Variants in TRPS1 observed in about 807,000 individuals in gnomAD.
TRPS1 encodes the protein transcriptional repressor GATA binding 1.
Under a neutral mutation model 101.2 loss-of-function variants are expected in TRPS1, and 6 were observed. The ratio of observed to expected loss-of-function variants is 0.06; its 90% CI spans 0.03 to 0.12. The LOEUF (loss-of-function observed/expected upper bound fraction) is 0.12. Among genes scored for constraint, TRPS1 ranks in the 10% least tolerant of loss-of-function variants. TRPS1 has a pLI of 1.00. For synonymous variants in TRPS1, 578 were observed against 589.8 expected (o/e 0.98, Z 0.29); for missense variants, 1,363 against 1,567.0 (o/e 0.87, Z 2.20).
intron 5 of TRPS1, among the ~76,000 whole-genome samples, chr8:115,580,323 T>C (rs1306455829): frequency 2.0e-5 from 3 of 150,812 alleles, no homozygotes; most frequent in African/African-American, 7.3e-5. Context: ...TCCCCAAAAA[T>C]CCAAAATAAA....
At chr8:115,623,506 T>G in intron 2 of TRPS1, 95 bp downstream of exon 2, 4 of 1,455,362 alleles carry the variant, frequency 2.7e-6, no homozygotes, top group Non-Finnish European at 3.8e-6. Context: ...CCTCAAGTTA[T>G]TATCTCTAAG....
At chr8:115,447,400 T>C (rs1261953185) in intron 5 of TRPS1, among the ~76,000 whole-genome samples, 7 of 152,210 alleles carry the variant, frequency 4.6e-5, no homozygotes, top group Non-Finnish European at 2.9e-5. Flanking sequence ...TGATTTTTTC[T>C]TTAATCCTAC....
intron 5 of TRPS1, among the ~76,000 whole-genome samples, chr8:115,538,999 T>C (rs1816388388): frequency 2.6e-5 from 4 of 152,188 alleles, no homozygotes; most frequent in Admixed American, 2.0e-4. Flanking sequence ...AAACTACAGA[T>C]GTGCACGCAG....
At chr8:115,659,778 T>C (rs185767990) in intron 1 of TRPS1, among the ~76,000 whole-genome samples, 2 of 152,118 alleles carry the variant, frequency 1.3e-5, no homozygotes, top group Admixed American at 6.6e-5. Flanking sequence ...TGGTTTTTAA[T>C]TTGTTTTGTC....
At chr8:115,524,950 T>C (rs772264831) in intron 5 of TRPS1, among the ~76,000 whole-genome samples, 4 of 152,190 alleles carry the variant, frequency 2.6e-5, no homozygotes, top group African/African-American at 4.8e-5. Flanking sequence ...AAGATTTTAG[T>C]ATGGCTGCTA....
intron 5 of TRPS1, among the ~76,000 whole-genome samples, chr8:115,584,031 TA>T (rs558716654): frequency 3.9e-4 from 59 of 149,592 alleles, no homozygotes; most frequent in Admixed American, 1.6e-3. Flanking sequence ...AAAACCAGTT[TA>T]AAAAAAAAAG....
chr8:115,577,204 TA>T (rs1341748420), intron 5 of TRPS1, among the ~76,000 whole-genome samples: 2 of 152,144 alleles, frequency 1.3e-5, no homozygotes, highest in African/African-American at 2.4e-5. Context: ...AGTCTTTTTT[TA>T]AAAAAATAGC....
intron 3 of TRPS1, among the ~76,000 whole-genome samples, chr8:115,613,458 C>T (rs1818214339): frequency 1.3e-5 from 2 of 152,168 alleles, no homozygotes; most frequent in Admixed American, 1.3e-4. Flanking sequence ...CTATCTCCTC[C>T]CTTACATGCA....
chr8:115,473,712 A>G (rs1326912594), intron 5 of TRPS1, among the ~76,000 whole-genome samples: 1 of 152,226 alleles, frequency 6.6e-6, no homozygotes, highest in Non-Finnish European at 1.5e-5. Context: ...TATCAGTCTT[A>G]ATTAGCATCT....
chr8:115,647,124 G>T (rs1290416544), intron 1 of TRPS1, among the ~76,000 whole-genome samples: 2 of 151,948 alleles, frequency 1.3e-5, no homozygotes, highest in African/African-American at 2.4e-5. Flanking sequence ...CTAATATTAG[G>T]TACACTGGAA....
chr8:115,456,624 G>A (rs932533288), intron 5 of TRPS1, among the ~76,000 whole-genome samples: 27 of 151,994 alleles, frequency 1.8e-4, no homozygotes, highest in Non-Finnish European at 1.8e-4. Context: ...CTTAAGACTT[G>A]TACATTGGAA....
chr8:115,639,300 C>T (rs1207249485), intron 1 of TRPS1, among the ~76,000 whole-genome samples: 1 of 152,146 alleles, frequency 6.6e-6, no homozygotes, highest in Non-Finnish European at 1.5e-5. Context: ...AACTCCAAGG[C>T]TCAAGCCATC....
intron 5 of TRPS1, among the ~76,000 whole-genome samples, chr8:115,515,598 T>C (rs1815690728): frequency 6.7e-6 from 1 of 148,828 alleles, no homozygotes; most frequent in South Asian, 2.1e-4. Context: ...AAATTTTTGG[T>C]AATTGTAAAA....
At chr8:115,503,607 G>C (rs1447419197) in intron 5 of TRPS1, among the ~76,000 whole-genome samples, 2 of 152,134 alleles carry the variant, frequency 1.3e-5, no homozygotes, top group East Asian at 1.9e-4. Flanking sequence ...AAATTAGAAG[G>C]CTAGGCCAGA....
At chr8:115,553,972 A>C (rs1816759478) in intron 5 of TRPS1, among the ~76,000 whole-genome samples, 1 of 152,174 alleles carries the variant, frequency 6.6e-6, no homozygotes. Flanking sequence ...CCAAATTTAT[A>C]GTCTTTATTA....
At chr8:115,634,489 T>C (rs1274853151) in intron 1 of TRPS1, among the ~76,000 whole-genome samples, 1 of 152,204 alleles carries the variant, frequency 6.6e-6, no homozygotes. Flanking sequence ...CATTAGTCTT[T>C]TGAACTTTTT....
At chr8:115,546,552 T>C (rs1292120439) in intron 5 of TRPS1, among the ~76,000 whole-genome samples, 6 of 88,480 alleles carry the variant, frequency 6.8e-5, no homozygotes, top group Non-Finnish European at 1.3e-4. Context: ...GGAAAAAATA[T>C]AAATGTAACT....
chr8:115,496,524 G>A (rs1464451029), intron 5 of TRPS1, among the ~76,000 whole-genome samples: 2 of 152,018 alleles, frequency 1.3e-5, no homozygotes, highest in South Asian at 2.1e-4. Flanking sequence ...ATCCTATAAC[G>A]AGTTTGTCTA....
At chr8:115,547,460 C>T (rs2130326684) in intron 5 of TRPS1, among the ~76,000 whole-genome samples, 1 of 152,272 alleles carries the variant, frequency 6.6e-6, no homozygotes, top group South Asian at 2.1e-4. Flanking sequence ...ATGGTAGTGA[C>T]CTGAGTGTGA....
Sources: gnomAD v4.1 joint callset for allele counts (sites outside exome capture counted in the v4.1 genomes callset) on GRCh38, gnomAD v4.1.1 for gene constraint, MANE v1.5 for transcripts, NCBI Gene and HGNC (gene_info 2026-07-23, HGNC 2026-07-21) for gene names.